The following MAP2K5 variants were observed in gnomAD, a reference collection of about 807,000 sequenced individuals.
MAP2K5 encodes dual specificity mitogen-activated protein kinase kinase 5.
In MAP2K5, 49 loss-of-function variants were observed where a neutral mutation model predicts 83.1. The observed-to-expected ratio is 0.59, with a 90% CI of 0.47 to 0.75. The LOEUF (loss-of-function observed/expected upper bound fraction) is 0.75, where lower values mean the gene tolerates loss of function less well. MAP2K5 is among the 30% of genes least tolerant of loss of function. MAP2K5 has a pLI of 0.00. For missense variants in MAP2K5, 457 were observed against 557.5 expected (o/e 0.82, Z 1.82); for synonymous variants, 202 against 191.8 (o/e 1.05, Z -0.44).
At chr15:67,653,186 G>A (rs2086990405) in intron 11 of MAP2K5, among the ~76,000 whole-genome samples, 2 of 152,094 alleles carry the variant, frequency 1.3e-5, no homozygotes, top group African/African-American at 2.4e-5. Context: ...AAAGTTGGTA[G>A]TAATGTTCCC....
Position 67,698,348 on chromosome 15 carries a change from C to G in MAP2K5, c.972+4780C>G, listed in dbSNP as rs941783646. Among the ~76,000 whole-genome samples, 5 of 152,062 alleles carry G rather than the reference C, an allele frequency of 3.3e-5. No individual in the cohort carries two copies. In the South Asian group the frequency reaches 1.0e-3, roughly 32 times the overall value. ...GATTACAGGCGTGCACCACCACGCCCGGCTAATTTTTGTATTTTTAGTAGA... is the reference window on the plus strand; with the variant it reads ...GATTACAGGCGTGCACCACCACGCCGGGCTAATTTTTGTATTTTTAGTAGA... On this transcript the variant is annotated intron_variant, in intron 15 of 21. Transcript: ENST00000178640. This position sits in a 1 kb window ranked among gnomAD's most constrained non-coding sequence, Gnocchi z 4.5.
At chr15:67,706,343 T>G (rs2088553652) in intron 16 of MAP2K5, among the ~76,000 whole-genome samples, 1 of 152,170 alleles carries the variant, frequency 6.6e-6, no homozygotes, top group Non-Finnish European at 1.5e-5. Context: ...GAAAACAGAC[T>G]CATTGAATTT....
chr15:67,634,920 ATGTT>A (rs1168442043), intron 9 of MAP2K5, among the ~76,000 whole-genome samples: 1 of 152,122 alleles, frequency 6.6e-6, no homozygotes, highest in Non-Finnish European at 1.5e-5. Flanking sequence ...GATTATTGAT[ATGTT>A]TGGATTCAAA....
At chr15:67,623,348 A>G (rs2086230005) in intron 8 of MAP2K5, among the ~76,000 whole-genome samples, 1 of 152,266 alleles carries the variant, frequency 6.6e-6, no homozygotes, top group African/African-American at 2.4e-5. Flanking sequence ...TGGTATATCC[A>G]TACCAGATGG....
Position 67,718,490 on chromosome 15 carries a change from G to A in MAP2K5, c.1045-9426G>A, listed in dbSNP as rs898348706. On this transcript the variant is annotated intron_variant, in intron 16 of 21. Transcript: ENST00000178640. ...TAAAAAATTTTTATGGGGGCTGGGT[G>A]CAGTGTCTCATGCCTGTAATCCCAG... Among the ~76,000 whole-genome samples the A allele has an allele frequency of 1.1e-4, 16 of 152,286 alleles. No individual in the cohort carries two copies. The East Asian group carries it at 1.7e-3, about 16-fold the overall frequency.
chr15:67,649,359 T>C (rs1260169960), intron 11 of MAP2K5, among the ~76,000 whole-genome samples: 1 of 152,154 alleles, frequency 6.6e-6, no homozygotes, highest in African/African-American at 2.4e-5. Context: ...TTTTCTTTTC[T>C]TTTCCTTTTT....
At chr15:67,733,475 T>G (rs1466470263) in intron 17 of MAP2K5, among the ~76,000 whole-genome samples, 1 of 152,170 alleles carries the variant, frequency 6.6e-6, no homozygotes, top group Non-Finnish European at 1.5e-5. Flanking sequence ...TCAAATAAAT[T>G]ATTGCAGTAT....
intron 4 of MAP2K5, 177 bp from the exon 5 acceptor site, chr15:67,585,713 A>G (rs2085274171): frequency 1.8e-6 from 1 of 554,524 alleles, no homozygotes. Context: ...ATAAATGCTC[A>G]CTCCTGCAAG....
chr15:67,741,485 C>G (rs2089490830), intron 17 of MAP2K5, among the ~76,000 whole-genome samples: 1 of 152,194 alleles, frequency 6.6e-6, no homozygotes, highest in Admixed American at 6.5e-5. Context: ...CAGCAGGTCT[C>G]TTTTCCTCAG....
chr15:67,690,909 A>G lies in MAP2K5; in HGVS notation c.848-1570A>G, dbSNP rs747892096. Among the ~76,000 whole-genome samples the G allele has an allele frequency of 1.2e-4, 19 of 152,212 alleles. No homozygotes were observed. Among genetic ancestry groups the G allele is most frequent in the Admixed American group, 3.9e-4 (6 of 15,280 alleles). ...AAGATACTGTGCTTGGAAGGGATAC[A>G]TTTAAAGATGTTTTAAGTATGCTCC... On this transcript the variant is annotated intron_variant, in intron 13 of 21. Transcript: ENST00000178640. The surrounding 1 kb of genome is among the most constrained non-coding windows in gnomAD (Gnocchi z 4.3).
chr15:67,600,575 G>C, intron 7 of MAP2K5, 110 bp from the exon 8 acceptor site: 1 of 763,542 alleles, frequency 1.3e-6, no homozygotes, highest in Non-Finnish European at 2.2e-6. Flanking sequence ...TTTTGCAGCT[G>C]AACTTGAAAT....
chr15:67,575,922 T>C (rs1046961867), intron 3 of MAP2K5, among the ~76,000 whole-genome samples: 32 of 58,410 alleles, frequency 5.5e-4, no homozygotes, highest in East Asian at 9.2e-4. Context: ...CTTTCTTTTT[T>C]TTTTTTTTTT....
chr15:67,670,197 A>C (rs1350572132), intron 13 of MAP2K5, among the ~76,000 whole-genome samples: 1 of 152,204 alleles, frequency 6.6e-6, no homozygotes, highest in Non-Finnish European at 1.5e-5. Flanking sequence ...AAGGGTTACC[A>C]GCTGTGTGAT....
intron 7 of MAP2K5, among the ~76,000 whole-genome samples, chr15:67,599,076 C>T (rs189294992): frequency 3.3e-5 from 5 of 152,320 alleles, no homozygotes; most frequent in East Asian, 1.9e-4. Context: ...TTTAGCATCT[C>T]GTCACTTTAT....
At chr15:67,628,836 G>A (rs8025889) in intron 8 of MAP2K5, 418,213 of 747,478 alleles carry the variant, frequency 0.56, 120,283 homozygotes, top group East Asian at 0.79. Flanking sequence ...CGAAACTTCA[G>A]TGGTCATGGT....
intron 16 of MAP2K5, among the ~76,000 whole-genome samples, chr15:67,706,210 A>G (rs1157436634): frequency 6.6e-6 from 1 of 152,162 alleles, no homozygotes; most frequent in African/African-American, 2.4e-5. Flanking sequence ...AGGGGTACAA[A>G]GATTAATAAA....
chr15:67,710,797 C>A (rs2088674924), intron 16 of MAP2K5, among the ~76,000 whole-genome samples: 2 of 152,186 alleles, frequency 1.3e-5, no homozygotes, highest in South Asian at 4.1e-4. Context: ...AGCCACGGCA[C>A]CTGGCCATCT....
At chr15:67,713,706 A>G (rs2088755568) in intron 16 of MAP2K5, among the ~76,000 whole-genome samples, 1 of 152,080 alleles carries the variant, frequency 6.6e-6, no homozygotes, top group Non-Finnish European at 1.5e-5. Flanking sequence ...ACTGCACTCC[A>G]GCCTGGGTGA....
intron 1 of MAP2K5, among the ~76,000 whole-genome samples, chr15:67,549,697 C>T (rs997105735): frequency 2.0e-5 from 3 of 152,216 alleles, no homozygotes; most frequent in Non-Finnish European, 4.4e-5. Context: ...AAACCCCTCT[C>T]TCTTTCAACT....
Sources: allele counts gnomAD v4.1 joint callset (sites outside exome capture counted in the v4.1 genomes callset), GRCh38; gene constraint gnomAD v4.1.1; non-coding constraint Gnocchi (gnomAD v3.1); transcripts MANE v1.5; gene names NCBI Gene and HGNC (gene_info 2026-07-23, HGNC 2026-07-21).